The following BRINP3 variants were observed in gnomAD, a reference collection of about 807,000 sequenced individuals.
BRINP3 encodes the protein BMP/retinoic acid-inducible neural-specific protein 3.
BRINP3 carries 19 observed loss-of-function variants against 71.0 expected under a neutral mutation model. That is an observed-to-expected ratio of 0.27 (90% CI 0.19 to 0.39). BRINP3 has a LOEUF of 0.39. Ranked by LOEUF, BRINP3 falls within the 10% of genes least tolerant of loss-of-function variation. BRINP3 has a pLI of 1.00. For missense variants in BRINP3, 959 were observed against 940.8 expected (o/e 1.02, Z -0.25); for synonymous variants, 380 against 337.7 (o/e 1.13, Z -1.37).
At chr1:190,411,047 C>G (rs1307876334) in intron 2 of BRINP3, among the ~76,000 whole-genome samples, 1 of 152,018 alleles carries the variant, frequency 6.6e-6, no homozygotes, top group Non-Finnish European at 1.5e-5. Context: ...ATATTCCTTA[C>G]CACATACCCA....
intron 2 of BRINP3, among the ~76,000 whole-genome samples, chr1:190,426,896 T>C (rs761164573): frequency 6.6e-6 from 1 of 151,864 alleles, no homozygotes; most frequent in African/African-American, 2.4e-5. Flanking sequence ...CAAATGATAG[T>C]TATTTCAGAG....
chr1:190,378,901 G>A (rs1025809283), intron 2 of BRINP3, among the ~76,000 whole-genome samples: 1 of 152,124 alleles, frequency 6.6e-6, no homozygotes, highest in African/African-American at 2.4e-5. Context: ...AGTAGGACTT[G>A]CTTGGCAAGG....
chr1:190,289,228 G>A (rs1663669598), intron 2 of BRINP3, among the ~76,000 whole-genome samples: 1 of 151,822 alleles, frequency 6.6e-6, no homozygotes, highest in South Asian at 2.1e-4. Flanking sequence ...TAATAAAGAT[G>A]AGTTTTGAAT....
intron 7 of BRINP3, among the ~76,000 whole-genome samples, chr1:190,115,903 G>A (rs1653095680): frequency 6.6e-6 from 1 of 152,086 alleles, no homozygotes; most frequent in African/African-American, 2.4e-5. Flanking sequence ...AATTCAAAGT[G>A]TATATGTTTC....
At chr1:190,174,990 T>A (rs1365819757) in intron 6 of BRINP3, among the ~76,000 whole-genome samples, 1 of 152,064 alleles carries the variant, frequency 6.6e-6, no homozygotes, top group Non-Finnish European at 1.5e-5. Flanking sequence ...ACCATTACTA[T>A]CCTTTGTGAA....
intron 7 of BRINP3, among the ~76,000 whole-genome samples, chr1:190,100,471 A>T (rs912050539): frequency 1.3e-5 from 2 of 152,146 alleles, no homozygotes; most frequent in African/African-American, 4.8e-5. Flanking sequence ...ATGCCAGGAG[A>T]TAACAAGCCT....
At chr1:190,281,261 A>C (rs1195563861) in intron 3 of BRINP3, among the ~76,000 whole-genome samples, 1 of 151,922 alleles carries the variant, frequency 6.6e-6, no homozygotes, top group African/African-American at 2.4e-5. Flanking sequence ...CTTATTATTC[A>C]TGTATTTTAA....
chr1:190,255,713 A>C (rs1660598926), intron 4 of BRINP3, among the ~76,000 whole-genome samples: 1 of 150,470 alleles, frequency 6.6e-6, no homozygotes, highest in Admixed American at 6.7e-5. Context: ...CAATTTTGTC[A>C]GTCTTTTAAA....
At chr1:190,429,109 C>G (rs925702710) in intron 2 of BRINP3, among the ~76,000 whole-genome samples, 1 of 152,034 alleles carries the variant, frequency 6.6e-6, no homozygotes, top group African/African-American at 2.4e-5. Flanking sequence ...GTGAACTCAG[C>G]TCACAATAAA....
intron 1 of BRINP3, among the ~76,000 whole-genome samples, chr1:190,457,613 A>C (rs542845093): frequency 6.6e-6 from 1 of 152,320 alleles, no homozygotes; most frequent in Non-Finnish European, 1.5e-5. Flanking sequence ...TAATATTTGT[A>C]AAATCCCTAG....
At chr1:190,186,729 C>A (rs976394004) in intron 6 of BRINP3, among the ~76,000 whole-genome samples, 1 of 152,028 alleles carries the variant, frequency 6.6e-6, no homozygotes, top group Non-Finnish European at 1.5e-5. Context: ...TTTAAAAATT[C>A]ATGGGCAGAA....
chr1:190,252,219 T>C (rs1314805085), intron 4 of BRINP3, among the ~76,000 whole-genome samples: 1 of 152,064 alleles, frequency 6.6e-6, no homozygotes, highest in African/African-American at 2.4e-5. Flanking sequence ...TCTGTGAGCA[T>C]TTCAAAATGA....
intron 2 of BRINP3, among the ~76,000 whole-genome samples, chr1:190,333,127 G>GA (rs1288876907): frequency 5.9e-5 from 9 of 151,804 alleles, no homozygotes; most frequent in African/African-American, 1.9e-4. Flanking sequence ...TAATTGATTT[G>GA]AAAAAATGAT....
chr1:190,273,961 G>C (rs577214717), intron 3 of BRINP3, among the ~76,000 whole-genome samples: 1 of 151,554 alleles, frequency 6.6e-6, no homozygotes, highest in African/African-American at 2.4e-5. Context: ...GAACAACTAT[G>C]AGCAGTTCAT....
chr1:190,448,014 G>T (rs1675343067), intron 2 of BRINP3, among the ~76,000 whole-genome samples: 1 of 151,532 alleles, frequency 6.6e-6, no homozygotes, highest in South Asian at 2.1e-4. Flanking sequence ...TATTAAAAAA[G>T]TAAGACCATC....
At chr1:190,365,728 A>T (rs1356937357) in intron 2 of BRINP3, among the ~76,000 whole-genome samples, 1 of 146,072 alleles carries the variant, frequency 6.8e-6, no homozygotes, top group African/African-American at 2.5e-5. Flanking sequence ...TATAATATTA[A>T]ATGAATATTA....
At position 190,280,322 on chromosome 1, in the gene BRINP3, T is replaced by C. The variant is rs186021644; in HGVS notation, c.427+1238A>G. Reference sequence around the variant, plus strand: ...AAAGCTAGCATTCACAGATCATTGATGTAAGGCTTTATAAACCACAGGGAG... The same window carrying C: ...AAAGCTAGCATTCACAGATCATTGACGTAAGGCTTTATAAACCACAGGGAG... On this transcript the variant is annotated intron_variant, in intron 3 of 7. Transcript: ENST00000367462. Among the ~76,000 whole-genome samples, 455 of 152,000 alleles carry C rather than the reference T, an allele frequency of 3.0e-3. 4 individuals carry two copies. The highest frequency in any genetic ancestry group is 0.01 in the African/African-American group (422 of 41,542).
intron 2 of BRINP3, among the ~76,000 whole-genome samples, chr1:190,328,428 C>A (rs558792070): frequency 6.6e-6 from 1 of 151,934 alleles, no homozygotes; most frequent in African/African-American, 2.4e-5. Context: ...ATTATGAATA[C>A]CTCTACACTC....
chr1:190,260,818 A>AT lies in BRINP3; in HGVS notation c.618+4046dup, dbSNP rs956696382. ...GCAGTAAAAACTCATTTCAAGATGG[A>AT]TTTTTTTAAGCTGAAATACTGACCT... On this transcript the variant is annotated intron_variant, in intron 4 of 7. Coordinates refer to ENST00000367462, the MANE Select transcript of BRINP3 (RefSeq NM_199051.3). 3.9e-5 allele frequency among the ~76,000 whole-genome samples: 6 copies of AT among 152,144 alleles called. No homozygotes were observed. In the East Asian group the frequency reaches 5.8e-4, roughly 15 times the overall value.
Sources: gnomAD v4.1 joint callset for allele counts (sites outside exome capture counted in the v4.1 genomes callset) on GRCh38, gnomAD v4.1.1 for gene constraint, MANE v1.5 for transcripts, NCBI Gene and HGNC (gene_info 2026-07-23, HGNC 2026-07-21) for gene names.